Variants in PTPN3 observed in about 807,000 individuals in gnomAD.
PTPN3 encodes protein tyrosine phosphatase non-receptor type 3, also known as tyrosine-protein phosphatase non-receptor type 3.
A neutral mutation model predicts 132.7 loss-of-function variants in PTPN3; 96 were observed. That is an observed-to-expected ratio of 0.72 (90% CI 0.61 to 0.86). The LOEUF is 0.86. PTPN3 is among the 40% of genes least tolerant of loss of function. The probability of loss-of-function intolerance (pLI) is 0.00; values close to 1 mark genes in which losing one functional copy is unlikely to be tolerated. For missense variants in PTPN3, 1,125 were observed against 1,159.6 expected (o/e 0.97, Z 0.43); for synonymous variants, 398 against 429.0 (o/e 0.93, Z 0.89).
At chr9:109,519,448 G>A in the PTPN3 span, among the ~76,000 whole-genome samples, 1 of 152,150 alleles carries the variant, frequency 6.6e-6, no homozygotes, top group Non-Finnish European at 1.5e-5. Context: ...ACTTATGATG[G>A]GTTCGCTGGG....
At chr9:109,532,590 A>T in the PTPN3 span, among the ~76,000 whole-genome samples, 2 of 148,064 alleles carry the variant, frequency 1.4e-5, no homozygotes, top group Non-Finnish European at 3.0e-5. Flanking sequence ...GCTTTAAAAA[A>T]AAAAAGAACT....
chr9:109,407,901 A>T (rs1459954622), intron 17 of PTPN3, among the ~76,000 whole-genome samples: 1 of 152,208 alleles, frequency 6.6e-6, no homozygotes, highest in Non-Finnish European at 1.5e-5. Flanking sequence ...TCTTCTTAGG[A>T]GGCCTACACA....
At chr9:109,461,954 T>C (rs1395889499) in intron 2 of PTPN3, among the ~76,000 whole-genome samples, 1 of 152,186 alleles carries the variant, frequency 6.6e-6, no homozygotes. Context: ...GTATACGTTG[T>C]AGCCCCTCTA....
intron 1 of PTPN3, among the ~76,000 whole-genome samples, chr9:109,487,633 A>G (rs1847272651): frequency 6.6e-6 from 1 of 152,254 alleles, no homozygotes; most frequent in African/African-American, 2.4e-5. Context: ...AATGGAAGGT[A>G]TATATCATCT....
At chr9:109,407,464 C>T in intron 17 of PTPN3, among the ~76,000 whole-genome samples, 1 of 152,094 alleles carries the variant, frequency 6.6e-6, no homozygotes, top group Non-Finnish European at 1.5e-5. Context: ...TATAACAAGA[C>T]ATCATGTTGT....
Position 109,379,284 on chromosome 9 carries a change from G to C in PTPN3, c.*272C>G, listed in dbSNP as rs1456763211. On this transcript the variant is annotated 3_prime_UTR_variant, in exon 26 of 26. Transcript: ENST00000374541. ...ACAGGGGTGTGTGTGGTGATGTTAG[G>C]GAAGAAGGCATTAGGACAGGCCCCA... 4 of 411,710 alleles carry C rather than the reference G, an allele frequency of 9.7e-6. No individual in the cohort carries two copies. The highest frequency in any genetic ancestry group is 8.1e-5 in the African/African-American group (4 of 49,398). The allele number at this position is 411,710 out of a possible 1,614,324, so 25.5% of individuals were successfully genotyped here.
At chr9:109,500,395 T>C (rs1308403447), upstream of PTPN3, among the ~76,000 whole-genome samples, 1 of 152,110 alleles carries the variant, frequency 6.6e-6, no homozygotes, top group African/African-American at 2.4e-5. Context: ...AGGAACATGC[T>C]TACACCTAAA....
upstream of PTPN3, among the ~76,000 whole-genome samples, chr9:109,499,856 C>A (rs1847834778): frequency 6.6e-6 from 1 of 152,156 alleles, no homozygotes; most frequent in South Asian, 2.1e-4. Context: ...GCGCCCCGCC[C>A]GGCCCGGCCC....
the PTPN3 span, among the ~76,000 whole-genome samples, chr9:109,508,670 T>G: frequency 4.7e-4 from 72 of 152,302 alleles, no homozygotes; most frequent in African/African-American, 1.7e-3. Flanking sequence ...AAAGGTTCTT[T>G]GTCAAAGTCC....
At position 109,389,162 on chromosome 9, in the gene PTPN3, C is replaced by T. The variant is rs146038142; in HGVS notation, c.2253+71G>A. The T allele has an allele frequency of 1.9e-4, 293 of 1,562,700 alleles. No homozygotes were observed. The African/African-American group carries it at 3.2e-3, about 17-fold the overall frequency. On this transcript the variant is annotated intron_variant, in intron 22 of 25. Transcript: ENST00000374541. ...AGGAGACGCTGAAGACCCTTCTCAG[C>T]GCTGAGATTCATGTTACACAGAGTA...
At chr9:109,527,970 AGAG>A in the PTPN3 span, among the ~76,000 whole-genome samples, 8 of 152,252 alleles carry the variant, frequency 5.3e-5, no homozygotes, top group African/African-American at 1.9e-4. Context: ...ATTACTTCAC[AGAG>A]GAGGACATCC....
At chr9:109,395,558 G>A (rs1840508848) in intron 19 of PTPN3, among the ~76,000 whole-genome samples, 1 of 152,194 alleles carries the variant, frequency 6.6e-6, no homozygotes, top group Non-Finnish European at 1.5e-5. Flanking sequence ...AGGCTGAGGT[G>A]GGCGGATAGC....
In PTPN3 at chr9:109,474,630, A is replaced by G. The variant is rs995853726; in HGVS notation, c.-17-11179T>C. On this transcript the variant is annotated intron_variant, in intron 1 of 25. Transcript: ENST00000374541. Reference sequence around the variant, plus strand: ...ACCCATGTGCAAAGGTTGGGGGGGAAAATGCACGCATGGTATGGGAACTCC... The same window carrying G: ...ACCCATGTGCAAAGGTTGGGGGGGAGAATGCACGCATGGTATGGGAACTCC... Among the ~76,000 whole-genome samples the G allele has an allele frequency of 2.6e-5, 4 of 152,186 alleles. No individual in the cohort carries two copies. The South Asian group carries it at 6.2e-4, about 24-fold the overall frequency.
chr9:109,497,399 T>C (rs1847716487), intron 1 of PTPN3, among the ~76,000 whole-genome samples: 5 of 152,094 alleles, frequency 3.3e-5, no homozygotes, highest in Non-Finnish European at 1.5e-5. Context: ...GGGAGGAAAC[T>C]GAGGACCAGA....
chr9:109,510,558 TAAAA>T, the PTPN3 span, among the ~76,000 whole-genome samples: 300 of 74,056 alleles, frequency 4.1e-3, 2 homozygotes, highest in African/African-American at 0.011. Context: ...AACTTTGTCT[TAAAA>T]AAAAAAAAAA....
chr9:109,458,156 G>A (rs893990754), intron 2 of PTPN3, among the ~76,000 whole-genome samples: 4 of 152,196 alleles, frequency 2.6e-5, no homozygotes, highest in Non-Finnish European at 4.4e-5. Flanking sequence ...GCCGTCGAGG[G>A]CTGTGAAACA....
At chr9:109,385,991 C>T (rs185957800) in intron 22 of PTPN3, among the ~76,000 whole-genome samples, 84 of 152,324 alleles carry the variant, frequency 5.5e-4, no homozygotes, top group Middle Eastern at 3.4e-3. Flanking sequence ...GGGTGGAAGA[C>T]AAGCCATACG....
intron 5 of PTPN3, chr9:109,449,671 A>G (rs1845121073): frequency 3.0e-6 from 3 of 985,480 alleles, no homozygotes; most frequent in Non-Finnish European, 3.6e-6. Context: ...ACTAGCTCCC[A>G]TGCTTTTTTA....
At chr9:109,482,706 C>T (rs1165197323) in intron 1 of PTPN3, among the ~76,000 whole-genome samples, 1 of 152,138 alleles carries the variant, frequency 6.6e-6, no homozygotes, top group Non-Finnish European at 1.5e-5. Flanking sequence ...GTCTGCCCTG[C>T]CCTACCACCT....
Sources: gnomAD v4.1 joint callset for allele counts (sites outside exome capture counted in the v4.1 genomes callset) on GRCh38, gnomAD v4.1.1 for gene constraint, MANE v1.5 for transcripts, NCBI Gene and HGNC (gene_info 2026-07-23, HGNC 2026-07-21) for gene names.